The following UMAD1 variants were observed in gnomAD, a reference collection of about 807,000 sequenced individuals.
UMAD1 encodes the protein UBAP1-MVB12-associated (UMA)-domain containing protein 1.
A neutral mutation model predicts 6.1 loss-of-function variants in UMAD1; 8 were observed. The ratio of observed to expected loss-of-function variants is 1.30; its 90% confidence interval spans 0.76 to 2.35. The LOEUF is 2.35. Among genes scored for constraint, UMAD1 ranks in the 30% most tolerant of loss-of-function variants. The pLI, the probability that UMAD1 is intolerant of heterozygous loss-of-function variation, is 0.00. For synonymous variants in UMAD1, 56 were observed against 31.4 expected (o/e 1.78, Z -2.61); for missense variants, 130 against 78.4 (o/e 1.66, Z -2.49).
intron 3 of UMAD1, among the ~76,000 whole-genome samples, chr7:7,869,002 C>T (rs954904737): frequency 3.3e-5 from 5 of 152,142 alleles, no homozygotes; most frequent in Non-Finnish European, 7.3e-5. Flanking sequence ...CAATCTTTGC[C>T]GTTGCAATAT....
At chr7:7,841,725 G>A (rs375333359) in intron 3 of UMAD1, among the ~76,000 whole-genome samples, 1 of 152,156 alleles carries the variant, frequency 6.6e-6, no homozygotes, top group African/African-American at 2.4e-5. Flanking sequence ...GAAAGAATTC[G>A]AAAATATCCC....
intron 2 of UMAD1, among the ~76,000 whole-genome samples, chr7:7,791,507 C>G (rs139392654): frequency 5.9e-5 from 9 of 152,298 alleles, no homozygotes; most frequent in African/African-American, 2.2e-4. Flanking sequence ...TGTACATATA[C>G]AAAATTAATT....
At chr7:7,768,951 T>G (rs971759413) in intron 2 of UMAD1, among the ~76,000 whole-genome samples, 15 of 152,312 alleles carry the variant, frequency 9.8e-5, no homozygotes, top group African/African-American at 3.6e-4. Flanking sequence ...TACCTATAGC[T>G]CTCTGTGGTA....
At chr7:7,747,459 G>A (rs1385404137) in intron 2 of UMAD1, among the ~76,000 whole-genome samples, 2 of 152,212 alleles carry the variant, frequency 1.3e-5, no homozygotes, top group African/African-American at 2.4e-5. Context: ...TCAAAGATAT[G>A]CAGTGACTTG....
chr7:7,768,691 G>C (rs1782041548), intron 2 of UMAD1, among the ~76,000 whole-genome samples: 1 of 152,036 alleles, frequency 6.6e-6, no homozygotes, highest in Non-Finnish European at 1.5e-5. Context: ...TTGTTTCACT[G>C]CTGAATCCTC....
chr7:7,805,696 C>T (rs1583838757), intron 3 of UMAD1, among the ~76,000 whole-genome samples: 1 of 152,094 alleles, frequency 6.6e-6, no homozygotes, highest in African/African-American at 2.4e-5. Context: ...AGCCACCTGC[C>T]GTTCTGTCTC....
chr7:7,792,676 TC>T (rs1475137849), intron 2 of UMAD1, among the ~76,000 whole-genome samples: 1 of 152,192 alleles, frequency 6.6e-6, no homozygotes, highest in East Asian at 1.9e-4. Context: ...GTACGGGCCT[TC>T]CCCTCCCATC....
At chr7:7,768,679 A>G (rs1454964674) in intron 2 of UMAD1, among the ~76,000 whole-genome samples, 13 of 152,014 alleles carry the variant, frequency 8.6e-5, no homozygotes, top group Admixed American at 8.5e-4. Context: ...TTTTCCTCCT[A>G]CTTGTTTCAC....
At chr7:7,764,500 G>C (rs1422407429) in intron 2 of UMAD1, among the ~76,000 whole-genome samples, 3 of 152,230 alleles carry the variant, frequency 2.0e-5, no homozygotes, top group Non-Finnish European at 4.4e-5. Flanking sequence ...TGTGGAAGGT[G>C]AGAGTAGTGT....
intron 3 of UMAD1, among the ~76,000 whole-genome samples, chr7:7,869,206 A>G (rs1410158931): frequency 1.3e-5 from 2 of 151,648 alleles, no homozygotes; most frequent in Non-Finnish European, 2.9e-5. Context: ...TGATGCTTCT[A>G]ACTCAGATTT....
intron 2 of UMAD1, among the ~76,000 whole-genome samples, chr7:7,769,980 C>A (rs1782068853): frequency 6.6e-6 from 1 of 152,172 alleles, no homozygotes; most frequent in South Asian, 2.1e-4. Context: ...TGATTTCCAG[C>A]CTCAGCTCAG....
chr7:7,854,586 A>G (rs1583874852), intron 3 of UMAD1, among the ~76,000 whole-genome samples: 1 of 151,982 alleles, frequency 6.6e-6, no homozygotes, highest in Non-Finnish European at 1.5e-5. Flanking sequence ...CCATGATTCA[A>G]TTACCTCCCA....
intron 3 of UMAD1, among the ~76,000 whole-genome samples, chr7:7,806,256 T>C (rs1782910877): frequency 6.6e-6 from 1 of 151,050 alleles, no homozygotes; most frequent in Non-Finnish European, 1.5e-5. Flanking sequence ...TTTTTTTTTT[T>C]ACTTCCCCCC....
chr7:7,781,295 A>G (rs1445533068), intron 2 of UMAD1, among the ~76,000 whole-genome samples: 2 of 152,110 alleles, frequency 1.3e-5, no homozygotes, highest in African/African-American at 2.4e-5. Context: ...AAACAATTTA[A>G]TAGTACATAG....
chr7:7,747,218 G>A (rs551385643), intron 2 of UMAD1, among the ~76,000 whole-genome samples: 1 of 152,302 alleles, frequency 6.6e-6, no homozygotes, highest in East Asian at 1.9e-4. Flanking sequence ...CAGGAGAACA[G>A]AAATTGTTTA....
intron 2 of UMAD1, among the ~76,000 whole-genome samples, chr7:7,717,646 G>T (rs1458575795): frequency 2.6e-5 from 4 of 152,096 alleles, no homozygotes; most frequent in African/African-American, 9.7e-5. Flanking sequence ...TAATTCATCT[G>T]TTTTTCCCAC....
At chr7:7,710,328 C>G (rs145399049) in intron 2 of UMAD1, among the ~76,000 whole-genome samples, 2 of 151,818 alleles carry the variant, frequency 1.3e-5, no homozygotes, top group East Asian at 3.9e-4. Flanking sequence ...AGGACTAGTC[C>G]CTAGAATAAG....
chr7:7,722,089 C>T (rs944582851), intron 2 of UMAD1, among the ~76,000 whole-genome samples: 1 of 151,788 alleles, frequency 6.6e-6, no homozygotes, highest in African/African-American at 2.4e-5. Context: ...CCTCAGCCTG[C>T]AGACGGCCTA....
chr7:7,712,609 A>G (rs925242372), intron 2 of UMAD1, among the ~76,000 whole-genome samples: 2 of 152,154 alleles, frequency 1.3e-5, no homozygotes, highest in Admixed American at 1.3e-4. Flanking sequence ...CTAAGTACGT[A>G]ATTATAACCT....
Sources: gnomAD v4.1 joint callset for allele counts (sites outside exome capture counted in the v4.1 genomes callset) on GRCh38, gnomAD v4.1.1 for gene constraint, MANE v1.5 for transcripts, NCBI Gene and HGNC (gene_info 2026-07-23, HGNC 2026-07-21) for gene names.